NXN: variants seen among roughly 807,000 people sequenced by gnomAD.
NXN encodes nucleoredoxin 1.
Under a neutral mutation model 48.6 loss-of-function variants are expected in NXN, and 16 were observed. That is an observed-to-expected ratio of 0.33 (90% CI 0.22 to 0.50). The LOEUF is 0.50. Among genes scored for constraint, NXN ranks in the 20% least tolerant of loss-of-function variants. The pLI, the probability that NXN is intolerant of heterozygous loss-of-function variation, is 0.98. For synonymous variants in NXN, 281 were observed against 269.6 expected (o/e 1.04, Z -0.41); for missense variants, 492 against 605.5 (o/e 0.81, Z 1.97).
In NXN at chr17:800,858, G is replaced by A; in HGVS notation, c.*91C>T. 1.1e-6 allele frequency: 1 copy of A among 871,258 alleles called. No homozygotes were observed. Among genetic ancestry groups the A allele is most frequent in the Non-Finnish European group, 1.6e-6 (1 of 633,330 alleles). 54.0% of individuals were successfully genotyped at this position (871,258 alleles called of 1,614,324 possible). ...CTGGACACTTGGGTGGTGGGATTCG[G>A]GGCACGCTGGGTAAGTCCAAGGGCG... On this transcript the variant is annotated 3_prime_UTR_variant, in exon 8 of 8. Coordinates refer to ENST00000336868, the MANE Select transcript of NXN (RefSeq NM_022463.5).
intron 1 of NXN, among the ~76,000 whole-genome samples, chr17:952,913 C>A (rs553407871): frequency 6.6e-6 from 1 of 152,248 alleles, no homozygotes; most frequent in African/African-American, 2.4e-5. Context: ...TGACGGCCAG[C>A]AGAGCCAGGA....
chr17:864,232 T>A, intron 1 of NXN: 1 of 1,209,060 alleles, frequency 8.3e-7, no homozygotes, highest in Non-Finnish European at 1.1e-6. Context: ...GTACTTGTCT[T>A]CAACTTTTCT....
At chr17:930,269 T>C (rs2068840259) in intron 1 of NXN, 1 of 152,062 alleles carries the variant, frequency 6.6e-6, no homozygotes, top group Non-Finnish European at 1.5e-5. Flanking sequence ...ACCCCATCTT[T>C]ACTAAAAATA....
chr17:974,130 A>G (rs2069425877), intron 1 of NXN, among the ~76,000 whole-genome samples: 1 of 151,758 alleles, frequency 6.6e-6, no homozygotes, highest in African/African-American at 2.4e-5. Context: ...TGGGCGGATC[A>G]CGAGGTCGGG....
chr17:965,588 G>T (rs1307229897), intron 1 of NXN, among the ~76,000 whole-genome samples: 2 of 152,146 alleles, frequency 1.3e-5, no homozygotes, highest in African/African-American at 4.8e-5. Context: ...TGGATTTGAA[G>T]ACGGCTGAGC....
intron 5 of NXN, among the ~76,000 whole-genome samples, chr17:812,892 G>C (rs560508846): frequency 6.8e-6 from 1 of 147,008 alleles, no homozygotes; most frequent in Admixed American, 6.8e-5. Flanking sequence ...ACATGTGAAT[G>C]TAGGTGTGTG....
chr17:882,787 T>A (rs1418129550), intron 1 of NXN, among the ~76,000 whole-genome samples: 1 of 142,154 alleles, frequency 7.0e-6, no homozygotes. Flanking sequence ...TTTTGAGACG[T>A]TGTCTTGCTC....
chr17:809,764 T>C (rs1340867061), intron 5 of NXN, among the ~76,000 whole-genome samples: 1 of 105,066 alleles, frequency 9.5e-6, no homozygotes, highest in Non-Finnish European at 2.2e-5. Flanking sequence ...TGCGCCACAC[T>C]GTTTAGTAAA....
chr17:882,143 T>C (rs1052406061), intron 1 of NXN, among the ~76,000 whole-genome samples: 33 of 152,138 alleles, frequency 2.2e-4, no homozygotes, highest in African/African-American at 7.7e-4. Flanking sequence ...AAAAAATAAT[T>C]TGTCTTCATC....
intron 1 of NXN, among the ~76,000 whole-genome samples, chr17:963,403 G>C (rs1360134080): frequency 6.6e-6 from 1 of 151,932 alleles, no homozygotes; most frequent in African/African-American, 2.4e-5. Context: ...AGGAGTTCGA[G>C]ACCAGCTTGG....
intron 1 of NXN, among the ~76,000 whole-genome samples, chr17:829,282 A>T (rs1044439911): frequency 2.0e-5 from 3 of 151,568 alleles, no homozygotes; most frequent in Non-Finnish European, 2.9e-5. Context: ...CAGCCTCCCG[A>T]GTAGCTGGGA....
chr17:869,714 G>C (rs990225858), intron 1 of NXN, among the ~76,000 whole-genome samples: 3 of 152,210 alleles, frequency 2.0e-5, no homozygotes, highest in Admixed American at 2.0e-4. Context: ...GAGTGAGGAG[G>C]GAAGGCGGAC....
At chr17:877,373 C>A (rs2068228267) in intron 1 of NXN, among the ~76,000 whole-genome samples, 1 of 152,040 alleles carries the variant, frequency 6.6e-6, no homozygotes, top group Non-Finnish European at 1.5e-5. Flanking sequence ...GTCTCGATCT[C>A]CTGACCTCGT....
At chr17:844,113 C>T (rs990427559) in intron 1 of NXN, among the ~76,000 whole-genome samples, 1 of 149,686 alleles carries the variant, frequency 6.7e-6, no homozygotes, top group Non-Finnish European at 1.5e-5. Context: ...TGCCGTCCTG[C>T]CTCTCCTTAA....
At chr17:814,011 A>T (rs955458416) in intron 5 of NXN, among the ~76,000 whole-genome samples, 1 of 152,030 alleles carries the variant, frequency 6.6e-6, no homozygotes, top group Non-Finnish European at 1.5e-5. Flanking sequence ...CTGTAATCCC[A>T]GCACTTTGGG....
intron 1 of NXN, among the ~76,000 whole-genome samples, chr17:924,503 C>T (rs888834652): frequency 9.2e-5 from 14 of 152,222 alleles, no homozygotes; most frequent in African/African-American, 3.1e-4. Flanking sequence ...TCCCGAAGTG[C>T]TAGGATTACA....
chr17:921,175 G>T (rs1312001889), intron 1 of NXN, among the ~76,000 whole-genome samples: 2 of 152,156 alleles, frequency 1.3e-5, no homozygotes, highest in Non-Finnish European at 2.9e-5. Flanking sequence ...ACACAGGGGA[G>T]CCCCTTCCTC....
intron 1 of NXN, among the ~76,000 whole-genome samples, chr17:854,084 T>C (rs368467398): frequency 1.2e-4 from 18 of 152,192 alleles, no homozygotes; most frequent in African/African-American, 3.9e-4. Flanking sequence ...ACTACAAAGC[T>C]CCACGAGGCC....
intron 1 of NXN, among the ~76,000 whole-genome samples, chr17:902,700 TC>T (rs1206397848): frequency 2.7e-5 from 4 of 150,556 alleles, no homozygotes; most frequent in African/African-American, 7.3e-5. Flanking sequence ...GCCCCTCCCA[TC>T]ATCAGCCCCT....
Sources: gnomAD v4.1 joint callset for allele counts (sites outside exome capture counted in the v4.1 genomes callset) on GRCh38, gnomAD v4.1.1 for gene constraint, MANE v1.5 for transcripts, NCBI Gene and HGNC (gene_info 2026-07-23, HGNC 2026-07-21) for gene names.